CDH18: variants seen among roughly 807,000 people sequenced by gnomAD.
CDH18 encodes cadherin-18.
A neutral mutation model predicts 67.9 loss-of-function variants in CDH18; 31 were observed. The ratio of observed to expected loss-of-function variants is 0.46; its 90% CI spans 0.34 to 0.62. The LOEUF (loss-of-function observed/expected upper bound fraction) is 0.62, where lower values mean the gene tolerates loss of function less well. CDH18 is among the 20% of genes least tolerant of loss of function. The pLI is 0.01. For missense variants in CDH18, 890 were observed against 975.5 expected (o/e 0.91, Z 1.17); for synonymous variants, 362 against 347.2 (o/e 1.04, Z -0.48).
chr5:19,922,035 C>A (rs543273573), intron 2 of CDH18, among the ~76,000 whole-genome samples: 1 of 152,146 alleles, frequency 6.6e-6, no homozygotes, highest in African/African-American at 2.4e-5. Context: ...AACATCAGAT[C>A]ATTTCTGAGA....
intron 1 of CDH18, among the ~76,000 whole-genome samples, chr5:20,493,354 A>AT (rs1373066126): frequency 2.1e-4 from 18 of 83,772 alleles, no homozygotes; most frequent in African/African-American, 6.7e-4. Flanking sequence ...GTTTCAGAAA[A>AT]TTAAAAAAAA....
chr5:19,721,522 T>G (rs1362429963), intron 4 of CDH18, 56 bp from the exon 5 acceptor site: 2 of 1,545,792 alleles, frequency 1.3e-6, no homozygotes, highest in Non-Finnish European at 1.8e-6. Flanking sequence ...ATATGATTAA[T>G]TTGAACACAG....
At chr5:20,347,946 C>T (rs1230473273) in intron 1 of CDH18, among the ~76,000 whole-genome samples, 1 of 152,156 alleles carries the variant, frequency 6.6e-6, no homozygotes, top group Non-Finnish European at 1.5e-5. Flanking sequence ...TTTCCTTTTG[C>T]TTAATAAATC....
chr5:19,948,770 G>T (rs559865187), intron 2 of CDH18, among the ~76,000 whole-genome samples: 2 of 152,240 alleles, frequency 1.3e-5, no homozygotes, highest in East Asian at 3.9e-4. Flanking sequence ...GTGGGAGAAA[G>T]AATGGAGAGT....
intron 9 of CDH18, among the ~76,000 whole-genome samples, chr5:19,536,440 G>A (rs1315891476): frequency 6.6e-6 from 1 of 152,164 alleles, no homozygotes; most frequent in South Asian, 2.1e-4. Context: ...GATGAAAAGC[G>A]TAATACACAT....
At chr5:19,687,960 A>G (rs1761341394) in intron 5 of CDH18, among the ~76,000 whole-genome samples, 1 of 152,132 alleles carries the variant, frequency 6.6e-6, no homozygotes, top group South Asian at 2.1e-4. Context: ...CTTGTGCAGT[A>G]CCAAAACATA....
chr5:20,195,367 G>T (rs1227567396), intron 2 of CDH18, among the ~76,000 whole-genome samples: 1 of 151,848 alleles, frequency 6.6e-6, no homozygotes, highest in Non-Finnish European at 1.5e-5. Context: ...GCTAATATGG[G>T]TATTACTTTT....
At chr5:19,897,584 A>ATT (rs1789486704) in intron 2 of CDH18, among the ~76,000 whole-genome samples, 1 of 152,136 alleles carries the variant, frequency 6.6e-6, no homozygotes, top group African/African-American at 2.4e-5. Flanking sequence ...GCCAACAGAA[A>ATT]TAAGTACATA....
intron 3 of CDH18, among the ~76,000 whole-genome samples, chr5:19,747,612 G>T (rs1358018307): frequency 1.3e-5 from 2 of 151,544 alleles, no homozygotes; most frequent in African/African-American, 4.9e-5. Flanking sequence ...AATATATTTG[G>T]TTTTAATTAT....
chr5:20,499,081 T>C (rs1754083053), intron 1 of CDH18, among the ~76,000 whole-genome samples: 1 of 151,974 alleles, frequency 6.6e-6, no homozygotes. Context: ...ATAAGTGAGC[T>C]GTGAACAAAC....
At chr5:19,824,676 C>A (rs750949001) in intron 3 of CDH18, among the ~76,000 whole-genome samples, 3 of 152,176 alleles carry the variant, frequency 2.0e-5, no homozygotes, top group Non-Finnish European at 2.9e-5. Flanking sequence ...CTCCTCCTAG[C>A]TGGATGGGGC....
chr5:20,010,858 C>T (rs1737377170), intron 2 of CDH18, among the ~76,000 whole-genome samples: 1 of 152,146 alleles, frequency 6.6e-6, no homozygotes, highest in African/African-American at 2.4e-5. Flanking sequence ...ATTCCTAAGA[C>T]TCTCACGTGT....
At chr5:20,080,912 C>A (rs1744413144) in intron 2 of CDH18, among the ~76,000 whole-genome samples, 1 of 152,032 alleles carries the variant, frequency 6.6e-6, no homozygotes, top group Non-Finnish European at 1.5e-5. Context: ...CTTTCCTAAG[C>A]CTCAGCAGTG....
At chr5:19,829,761 G>T (rs1272646742) in intron 3 of CDH18, among the ~76,000 whole-genome samples, 1 of 151,470 alleles carries the variant, frequency 6.6e-6, no homozygotes, top group Admixed American at 6.6e-5. Flanking sequence ...CTTGATGCAG[G>T]CATCATGTCA....
chr5:20,443,482 C>G (rs1036315557), intron 1 of CDH18, among the ~76,000 whole-genome samples: 4 of 151,636 alleles, frequency 2.6e-5, no homozygotes, highest in African/African-American at 9.7e-5. Context: ...TTCCTAGGAC[C>G]ATCCCAGCAT....
chr5:20,420,333 A>C (rs1747763766), intron 1 of CDH18, among the ~76,000 whole-genome samples: 2 of 151,240 alleles, frequency 1.3e-5, no homozygotes, highest in Admixed American at 1.3e-4. Flanking sequence ...AGAAATGATA[A>C]GAGTTAAGGA....
chr5:19,477,450 T>C (rs1048858485), intron 12 of CDH18, among the ~76,000 whole-genome samples: 10 of 151,860 alleles, frequency 6.6e-5, no homozygotes, highest in Non-Finnish European at 1.3e-4. Flanking sequence ...GTTAAGTGAA[T>C]TACCCTGAAC....
chr5:20,493,575 C>G (rs1186409032), intron 1 of CDH18, among the ~76,000 whole-genome samples: 2 of 151,948 alleles, frequency 1.3e-5, no homozygotes, highest in Admixed American at 6.6e-5. Context: ...AGAGTGACAA[C>G]AGGGAAAACT....
At chr5:20,182,614 A>G (rs1737779017) in intron 2 of CDH18, among the ~76,000 whole-genome samples, 1 of 151,394 alleles carries the variant, frequency 6.6e-6, no homozygotes, top group Admixed American at 6.6e-5. Flanking sequence ...AAAAAAAAAA[A>G]AAAAAAAAGA....
Sources: allele counts gnomAD v4.1 joint callset (sites outside exome capture counted in the v4.1 genomes callset), GRCh38; gene constraint gnomAD v4.1.1; transcripts MANE v1.5; gene names NCBI Gene and HGNC (gene_info 2026-07-23, HGNC 2026-07-21).